ZNF518B: variants seen among roughly 807,000 people sequenced by gnomAD.
ZNF518B encodes the protein zinc finger protein 518B.
In ZNF518B, 23 loss-of-function variants were observed where a neutral mutation model predicts 56.3. The ratio of observed to expected loss-of-function variants is 0.41; its 90% CI spans 0.29 to 0.58. ZNF518B has a LOEUF of 0.58. Among genes scored for constraint, ZNF518B ranks in the 20% least tolerant of loss-of-function variants. The probability of loss-of-function intolerance (pLI) is 0.32; values close to 1 mark genes in which losing one functional copy is unlikely to be tolerated. For missense variants in ZNF518B, 1,460 were observed against 1,272.1 expected (o/e 1.15, Z -2.25); for synonymous variants, 529 against 465.9 (o/e 1.14, Z -1.74).
chr4:10,459,516 C>A (rs1353162021), upstream of ZNF518B, among the ~76,000 whole-genome samples: 2 of 152,140 alleles, frequency 1.3e-5, no homozygotes, highest in African/African-American at 2.4e-5. Flanking sequence ...ATATCCCCCA[C>A]CCCCAACTTA....
intron 1 of ZNF518B, among the ~76,000 whole-genome samples, chr4:10,456,448 A>T (rs1030516646): frequency 6.6e-6 from 1 of 152,166 alleles, no homozygotes; most frequent in Non-Finnish European, 1.5e-5. Flanking sequence ...TCCCACAATG[A>T]CATCAGCATT....
At chr4:10,459,357 A>G (rs1488072851), upstream of ZNF518B, among the ~76,000 whole-genome samples, 2 of 151,836 alleles carry the variant, frequency 1.3e-5, no homozygotes, top group Non-Finnish European at 2.9e-5. Flanking sequence ...AAGTCTTTTG[A>G]TGCTTGCAAA....
At chr4:10,447,340 T>C (rs942401771) in intron 2 of ZNF518B, among the ~76,000 whole-genome samples, 2 of 152,104 alleles carry the variant, frequency 1.3e-5, no homozygotes, top group African/African-American at 4.8e-5. Context: ...AGGAGAGGCC[T>C]CATGCTAAGT....
rs1560168208 is a variant in ZNF518B, at chr4:10,443,685, T to C, written c.2644A>G (p.Arg882Gly). ...TTATTTCTACTTATAGAAAGACTTC[T>C]GGAAAGCAGTCTCCCTTGCTTATTT... ...ELNKQGRLLS[R>G]SLSISRNKTK... The change falls in exon 3 of 3, where the codon AGA becomes GGA. Residue 882 changes from arginine to glycine, a missense_variant. Transcript: ENST00000326756. The C allele has an allele frequency of 6.8e-6, 11 of 1,614,154 alleles. No individual in the cohort carries two copies. Among genetic ancestry groups the C allele is most frequent in the Non-Finnish European group, 9.3e-6 (11 of 1,180,020 alleles).
In ZNF518B at chr4:10,444,909, T is replaced by C. The variant is rs1180201773; in HGVS notation, c.1420A>G (p.Thr474Ala). 1 of 1,611,520 alleles carries C rather than the reference T, an allele frequency of 6.2e-7. No homozygotes were observed. Among genetic ancestry groups the C allele is most frequent in the Non-Finnish European group, 8.5e-7 (1 of 1,179,236 alleles). Residue 474 changes from threonine (T) to alanine (A), a missense_variant, in exon 3 of 3, where the codon ACT becomes GCT. Thr to Ala is a moderately conservative substitution (Grantham distance 58, BLOSUM62 0). Coordinates refer to ENST00000326756, the MANE Select transcript of ZNF518B (RefSeq NM_053042.3). ...QKKNNLYPHR[T>A]AFPSVALKGH... ...TTTAAGGCAACGGAAGGAAAAGCAG[T>C]TCTATGTGGATACAAATTATTTTTT...
In ZNF518B at chr4:10,442,877, A is replaced by C. The variant is rs970054555; in HGVS notation, c.*227T>G. On this transcript the variant is annotated 3_prime_UTR_variant, in exon 3 of 3. Transcript: ENST00000326756. The stretch of plus-strand genomic sequence containing the variant: ...AGTTTCACAGGCTCTCTCCAGAAAA[A>C]TGCATATGTACCAATTTGCATGTAC... 4 of 489,008 alleles carry C rather than the reference A, an allele frequency of 8.2e-6. No homozygotes were observed. Among genetic ancestry groups the C allele is most frequent in the African/African-American group, 7.7e-5 (4 of 52,154 alleles). 30.3% of individuals were successfully genotyped at this position (489,008 alleles called of 1,614,324 possible).
chr4:10,457,008 G>A (rs1471681277), intron 1 of ZNF518B: 1 of 149,586 alleles, frequency 6.7e-6, no homozygotes, highest in Non-Finnish European at 1.5e-5. Flanking sequence ...CGAGCTGGGG[G>A]CGCCGGGCCG....
intron 1 of ZNF518B, among the ~76,000 whole-genome samples, chr4:10,455,645 GA>G (rs1240804617): frequency 2.6e-5 from 4 of 152,074 alleles, no homozygotes; most frequent in Non-Finnish European, 5.9e-5. Context: ...GCATTTTTAA[GA>G]TCTTCAGATC....
rs904669494 is a variant in ZNF518B, at chr4:10,441,987, G to C, written c.*1117C>G. ...TGATTCCTGCCATTTTCTAGTAATC[G>C]CATGAGGGAAAACCTTAAGGGGTCT... On this transcript the variant is annotated 3_prime_UTR_variant, in exon 3 of 3. Coordinates refer to ENST00000326756, the MANE Select transcript of ZNF518B (RefSeq NM_053042.3). 3 of 152,140 alleles carry C rather than the reference G, an allele frequency of 2.0e-5. No individual in the cohort carries two copies. Among genetic ancestry groups the C allele is most frequent in the Non-Finnish European group, 2.9e-5 (2 of 68,022 alleles). The allele number at this position is 152,140 out of a possible 1,614,324, so 9.4% of individuals were successfully genotyped here. A position where few individuals can be genotyped will look rare whatever the true frequency, so the allele number is the denominator to read the frequency against.
At chr4:10,458,044 G>C (rs1715623813), upstream of ZNF518B, among the ~76,000 whole-genome samples, 1 of 152,194 alleles carries the variant, frequency 6.6e-6, no homozygotes. Flanking sequence ...AGTCTGGAGA[G>C]GGTGTGAGCT....
Position 10,446,138 on chromosome 4 carries a change from T to G in ZNF518B, c.191A>C (p.Lys64Thr). 1.2e-6 allele frequency: 2 copies of G among 1,614,218 alleles called. No individual in the cohort carries two copies. Among genetic ancestry groups the G allele is most frequent in the Non-Finnish European group, 1.7e-6 (2 of 1,180,036 alleles). The change falls in exon 3 of 3, where the codon AAA becomes ACA. Residue 64 changes from lysine (K) to threonine (T), a missense_variant. Transcript: ENST00000326756. Reference sequence around the variant, plus strand: ...TTGAAGAGAGATCTTGTGAACACTTTTGCACTTTGCACATGTAGCAATGGT... The same window carrying G: ...TTGAAGAGAGATCTTGTGAACACTTGTGCACTTTGCACATGTAGCAATGGT... Reference protein sequence around the residue: ...MMTIATCAKCKSVHKISLQDL... With the variant: ...MMTIATCAKCTSVHKISLQDL...
intron 2 of ZNF518B, chr4:10,451,744 G>A (rs1715321233): frequency 1.3e-5 from 2 of 152,138 alleles, no homozygotes; most frequent in African/African-American, 4.8e-5. Flanking sequence ...TTAGTGCAAA[G>A]GGGCTAACAG....
At chr4:10,448,017 C>T (rs768201945) in intron 2 of ZNF518B, among the ~76,000 whole-genome samples, 31 of 152,154 alleles carry the variant, frequency 2.0e-4, no homozygotes, top group Admixed American at 2.0e-4. Flanking sequence ...AGGAGCATAA[C>T]AAAATCCATT....
At chr4:10,461,036 C>G (rs2109002185), upstream of ZNF518B, among the ~76,000 whole-genome samples, 1 of 152,332 alleles carries the variant, frequency 6.6e-6, no homozygotes, top group East Asian at 1.9e-4. Flanking sequence ...TAAGACAACC[C>G]CGGTTCTCAA....
rs1714676220 is a variant in ZNF518B, at chr4:10,441,454, AAATC to A, written c.*1646_*1649del. The A allele has an allele frequency of 6.6e-6, 1 of 152,336 alleles. No individual in the cohort carries two copies. Among genetic ancestry groups the A allele is most frequent in the Middle Eastern group, 3.4e-3 (1 of 292 alleles). 9.4% of individuals were successfully genotyped at this position (152,336 alleles called of 1,614,324 possible). ...TTTCCCATGTGAAAAAAAAAAAAAA[AAATC>A]AAAGTCTCCAATCGACTACCCAATA... On this transcript the variant is annotated 3_prime_UTR_variant, in exon 3 of 3. Coordinates refer to ENST00000326756, the MANE Select transcript of ZNF518B (RefSeq NM_053042.3).
Position 10,442,895 on chromosome 4 carries a change from G to A in ZNF518B, c.*209C>T, listed in dbSNP as rs1300083232. Reference sequence around the variant, plus strand: ...CAGAAAAATGCATATGTACCAATTTGCATGTACAATTTCAGAGCCTTCAAA... The same window carrying A: ...CAGAAAAATGCATATGTACCAATTTACATGTACAATTTCAGAGCCTTCAAA... On this transcript the variant is annotated 3_prime_UTR_variant, in exon 3 of 3. Coordinates refer to ENST00000326756, the MANE Select transcript of ZNF518B (RefSeq NM_053042.3). 3 of 527,394 alleles carry A rather than the reference G, an allele frequency of 5.7e-6. No individual in the cohort carries two copies. Among genetic ancestry groups the A allele is most frequent in the Non-Finnish European group, 1.0e-5 (3 of 301,198 alleles). 32.7% of individuals were successfully genotyped at this position (527,394 alleles called of 1,614,324 possible).
At chr4:10,457,453 G>A (rs1484793551), upstream of ZNF518B, 1 of 152,160 alleles carries the variant, frequency 6.6e-6, no homozygotes. Context: ...TGCGCAATGT[G>A]AAGCGGCGGC....
chr4:10,456,495 T>C (rs1715532971), intron 1 of ZNF518B, among the ~76,000 whole-genome samples: 1 of 152,052 alleles, frequency 6.6e-6, no homozygotes, highest in South Asian at 2.1e-4. Context: ...CTTCTCAACC[T>C]CCTATGTCCT....
chr4:10,445,477 G>A lies in ZNF518B; in HGVS notation c.852C>T (p.Tyr284=). ...NIMLLPEPKE[Y]QKDVVCIPNK... is the part of the protein sequence containing the mutation. ...TTGGAATACAAACTACATCTTTTTG[G>A]TATTCCTTTGGTTCAGGTAACAACA... Residue 284 remains tyrosine (Y), a synonymous_variant, in exon 3 of 3, where the codon TAC becomes TAT. Coordinates refer to ENST00000326756, the MANE Select transcript of ZNF518B (RefSeq NM_053042.3). The A allele has an allele frequency of 1.2e-6, 2 of 1,614,118 alleles. No individual in the cohort carries two copies. The highest frequency in any genetic ancestry group is 1.7e-6 in the Non-Finnish European group (2 of 1,180,016).
Sources: gnomAD v4.1 joint callset for allele counts (sites outside exome capture counted in the v4.1 genomes callset) on GRCh38, gnomAD v4.1.1 for gene constraint, MANE v1.5 for transcripts, NCBI Gene and HGNC (gene_info 2026-07-23, HGNC 2026-07-21) for gene names.